PASK: variants seen among roughly 807,000 people sequenced by gnomAD.
PASK encodes PAS domain-containing serine/threonine-protein kinase.
Under a neutral mutation model 121.0 loss-of-function variants are expected in PASK, and 110 were observed. The ratio of observed to expected loss-of-function variants is 0.91; its 90% CI spans 0.78 to 1.06. The LOEUF (loss-of-function observed/expected upper bound fraction) is 1.06, where lower values mean the gene tolerates loss of function less well. PASK is among the 50% of genes least tolerant of loss of function. The pLI is 0.00. For missense variants in PASK, 1,643 were observed against 1,702.3 expected, an observed-to-expected ratio of 0.97 and a Z score of 0.61; for synonymous variants, 686 against 717.8, an observed-to-expected ratio of 0.96 and a Z score of 0.71.
chr2:241,113,220 C>A (rs975942591), intron 14 of PASK: 1 of 152,200 alleles, frequency 6.6e-6, no homozygotes, highest in African/African-American at 2.4e-5. Context: ...TTAGTGACTT[C>A]ATGGATGTAT....
At chr2:241,118,962 G>T in intron 12 of PASK, 1 of 1,018,584 alleles carries the variant, frequency 9.8e-7, no homozygotes, top group South Asian at 4.4e-5. Context: ...TGGCTGGCAA[G>T]GGCAGCACCC....
intron 3 of PASK, among the ~76,000 whole-genome samples, 189 bp from the exon 4 acceptor site, chr2:241,140,244 A>C (rs2125451833): frequency 1.3e-5 from 2 of 150,500 alleles, no homozygotes; most frequent in South Asian, 4.2e-4. Flanking sequence ...AGCTCACTGC[A>C]ACCTTGAACT....
chr2:241,139,491 C>A, intron 4 of PASK: 1 of 480,866 alleles, frequency 2.1e-6, no homozygotes. Flanking sequence ...CCAACACCCC[C>A]GCCCGCTCCC....
In PASK at chr2:241,142,943, A is replaced by G. The variant is rs756994968; in HGVS notation, c.90T>C (p.Ala30=). ...LPLPVSAEGP[A]AQTTAEPSRS... is the part of the protein sequence containing the mutation. The stretch of plus-strand genomic sequence containing the variant: ...TGCTGGGCTCAGCAGTGGTCTGTGC[A>G]GCTGGGCCCTCTGCTGACACTGGCA... Residue 30 remains alanine (A), a synonymous_variant, in exon 2 of 18, where the codon GCT becomes GCC. Coordinates refer to ENST00000234040, the MANE Select transcript of PASK (RefSeq NM_015148.4). 6.2e-7 allele frequency: 1 copy of G among 1,613,504 alleles called. No individual in the cohort carries two copies. Among genetic ancestry groups the G allele is most frequent in the Non-Finnish European group, 8.5e-7 (1 of 1,179,522 alleles).
intron 8 of PASK, among the ~76,000 whole-genome samples, chr2:241,135,172 G>C (rs1194828908): frequency 6.6e-6 from 1 of 152,218 alleles, no homozygotes; most frequent in Non-Finnish European, 1.5e-5. Flanking sequence ...ATATGAAAGG[G>C]ACTCGGAGTA....
chr2:241,130,849 G>C (rs2125436479), intron 9 of PASK, among the ~76,000 whole-genome samples: 1 of 152,264 alleles, frequency 6.6e-6, no homozygotes, highest in African/African-American at 2.4e-5. Flanking sequence ...AGATCTGCAG[G>C]ACATGTGTGT....
intron 9 of PASK, among the ~76,000 whole-genome samples, chr2:241,128,771 C>G (rs768662413): frequency 3.9e-5 from 6 of 152,016 alleles, no homozygotes; most frequent in Middle Eastern, 3.4e-3. Flanking sequence ...GAGGCTGAAG[C>G]GGGAACCTCG....
rs991323220 is a variant in PASK, at chr2:241,114,282, G to T, written c.3333+761C>A. 5 of 985,260 alleles carry T rather than the reference G, an allele frequency of 5.1e-6. No individual in the cohort carries two copies. In the African/African-American group the frequency reaches 8.7e-5, roughly 17 times the overall value. 61.0% of individuals were successfully genotyped at this position (985,260 alleles called of 1,614,324 possible). A position where few individuals can be genotyped will look rare whatever the true frequency, so the allele number is the denominator to read the frequency against. ...CGGAAACCCAACAACCCGAGAGTGT[G>T]TAGCTTTAAGGAAGAAATGTTGATT... On this transcript the variant is annotated intron_variant, in intron 14 of 17. Transcript: ENST00000234040.
chr2:241,107,868 G>A (rs781358355), intron 16 of PASK, among the ~76,000 whole-genome samples: 7 of 152,044 alleles, frequency 4.6e-5, no homozygotes, highest in South Asian at 2.1e-4. Flanking sequence ...ATCTGGATTC[G>A]GGCCCCAGTT....
rs1379690957 is a variant in PASK, at chr2:241,126,240, C to T, written c.2675G>A (p.Gly892Asp). 2 of 1,613,986 alleles carry T rather than the reference C, an allele frequency of 1.2e-6. No individual in the cohort carries two copies. Among genetic ancestry groups the T allele is most frequent in the Admixed American group, 3.3e-5 (2 of 60,006 alleles). The change falls in exon 10 of 18, where the codon GGT (glycine) becomes GAT (aspartate). Residue 892 changes from glycine (G) to aspartate (D), a missense_variant. Transcript: ENST00000234040. Reference sequence around the variant, plus strand: ...ATGGTAGCAGCTCCCGGAGTAGGCACCCTCCTGGATCTCCCGCTGCAGGCC... The same window carrying T: ...ATGGTAGCAGCTCCCGGAGTAGGCATCCTCCTGGATCTCCCGCTGCAGGCC... ...AAGLQREIQE[G>D]AYSGSCYHRD... is the part of the protein sequence containing the mutation.
chr2:241,136,618 G>C (rs530997224), intron 7 of PASK, among the ~76,000 whole-genome samples: 8 of 152,308 alleles, frequency 5.3e-5, no homozygotes, highest in Admixed American at 2.6e-4. Flanking sequence ...CCTCATCCAG[G>C]AAGAACACTA....
intron 1 of PASK, among the ~76,000 whole-genome samples, chr2:241,148,910 T>C (rs1274586078): frequency 1.3e-5 from 2 of 151,432 alleles, no homozygotes; most frequent in African/African-American, 4.9e-5. Context: ...AAAGAAAAAT[T>C]AGTGAAAAAA....
In PASK at chr2:241,139,831, C is replaced by A. The variant is rs1035776680; in HGVS notation, c.600+54G>T. ...GGTAGGGAACACTGAGCTGTTCCTG[C>A]CACACACTGCTGGTCTTGAGGCCAG... On this transcript the variant is annotated intron_variant, in intron 4 of 17. Transcript: ENST00000234040. The A allele has an allele frequency of 1.5e-5, 23 of 1,560,408 alleles. No individual in the cohort carries two copies. In the African/African-American group the frequency reaches 3.1e-4, roughly 21 times the overall value.
chr2:241,140,312 G>A (rs1208070951), intron 3 of PASK, among the ~76,000 whole-genome samples: 5 of 152,098 alleles, frequency 3.3e-5, no homozygotes, highest in African/African-American at 7.2e-5. Context: ...CTACAGGTGT[G>A]TGCCACCGCA....
chr2:241,124,221 G>T, intron 10 of PASK, 88 bp from the exon 11 acceptor site: 3 of 1,048,952 alleles, frequency 2.9e-6, no homozygotes, highest in African/African-American at 1.6e-5. Flanking sequence ...TCCCCAGAAT[G>T]CAACAGTCCA....
chr2:241,124,795 A>G (rs1447030028), intron 10 of PASK, among the ~76,000 whole-genome samples: 1 of 152,256 alleles, frequency 6.6e-6, no homozygotes, highest in Non-Finnish European at 1.5e-5. Context: ...AAGTGTAAGA[A>G]AAAAACCCTA....
In PASK at chr2:241,132,901, G is replaced by C. The variant is rs761600654; in HGVS notation, c.1436C>G (p.Ser479Cys). The change falls in exon 9 of 18, where the codon TCC becomes TGC. Residue 479 changes from serine (S) to cysteine (C), a missense_variant. Physicochemically the swap from Ser to Cys is moderately radical, Grantham distance 112 (BLOSUM62 -1). This residue lies in a region of PASK where 1,176 missense variants were observed against 1,162.2 expected (regional missense o/e 1.01). Coordinates refer to ENST00000234040, the MANE Select transcript of PASK (RefSeq NM_015148.4). Reference protein sequence around the residue: ...TELIAGGQLLSCLSPQPAPGV... With the variant: ...TELIAGGQLLCCLSPQPAPGV... ...TGGAGCAGGCTGAGGTGAGAGGCAG[G>C]AAAGGAGCTGGCCTCCAGCAATCAG... 2 of 1,614,098 alleles carry C rather than the reference G, an allele frequency of 1.2e-6. No individual in the cohort carries two copies. The highest frequency in any genetic ancestry group is 2.2e-5 in the East Asian group (1 of 44,888).
Position 241,106,625 on chromosome 2 carries a change from C to T in PASK, c.3913G>A (p.Glu1305Lys), listed in dbSNP as rs200311696. 46 of 1,614,224 alleles carry T rather than the reference C, an allele frequency of 2.8e-5. No homozygotes were observed. Among genetic ancestry groups the T allele is most frequent in the Non-Finnish European group, 3.4e-5 (40 of 1,180,032 alleles). Residue 1305 changes from glutamate (E) to lysine (K), a missense_variant, in exon 18 of 18, where the codon GAG becomes AAG. Physicochemically the swap from Glu to Lys is moderately conservative, Grantham distance 56 (BLOSUM62 1). Around this residue, in one of 3 missense-constraint regions of PASK, gnomAD observed 453 missense variants for 511.2 expected, o/e 0.89. Transcript: ENST00000234040. ...AAACAGCCTTGGCCATTAGGAGCCT[C>T]GCCTGGAACGGGGCCCCCACAAAGC... The part of the protein sequence containing the change: ...QELCGGPVPG[E>K]APNGQGCLHP...
Position 241,137,185 on chromosome 2 carries a change from G to C in PASK, c.956C>G (p.Pro319Arg), listed in dbSNP as rs765045785. The part of the protein sequence containing the change: ...FPLSLKLKSQ[P>R]SSEEATTGEA... ...ACCGGTGGTCGCCTCCTCGCTGCTG[G>C]GTTGGGATTTCAGCTTTAAGCTCAG... The change falls in exon 7 of 18, where the codon CCC becomes CGC. Residue 319 changes from proline (P) to arginine (R), a missense_variant. Physicochemically the swap from Pro to Arg is moderately radical, Grantham distance 103 (BLOSUM62 -2). This residue lies in a region of PASK where 1,176 missense variants were observed against 1,162.2 expected (regional missense o/e 1.01). Coordinates refer to ENST00000234040, the MANE Select transcript of PASK (RefSeq NM_015148.4). The C allele has an allele frequency of 6.8e-6, 11 of 1,612,642 alleles. No individual in the cohort carries two copies. In the East Asian group the frequency reaches 8.9e-5, roughly 13 times the overall value.
Sources: allele counts gnomAD v4.1 joint callset (sites outside exome capture counted in the v4.1 genomes callset), GRCh38; gene constraint gnomAD v4.1.1; regional missense constraint gnomAD v4.1.1; transcripts MANE v1.5; gene names NCBI Gene and HGNC (gene_info 2026-07-23, HGNC 2026-07-21).